The following SERGEF variants were observed in gnomAD, a reference collection of about 807,000 sequenced individuals.
SERGEF encodes secretion regulating guanine nucleotide exchange factor.
Under a neutral mutation model 50.0 loss-of-function variants are expected in SERGEF, and 51 were observed. The ratio of observed to expected loss-of-function variants is 1.02; its 90% CI spans 0.81 to 1.29. The LOEUF (loss-of-function observed/expected upper bound fraction) is 1.29, where lower values mean the gene tolerates loss of function less well. Among genes scored for constraint, SERGEF ranks in the 50% most tolerant of loss-of-function variants. The pLI is 0.00. For missense variants in SERGEF, 521 were observed against 557.0 expected, an observed-to-expected ratio of 0.94 and a Z score of 0.65; for synonymous variants, 205 against 212.4, an observed-to-expected ratio of 0.97 and a Z score of 0.30.
chr11:17,816,888 T>C (rs550229241), intron 10 of SERGEF, among the ~76,000 whole-genome samples: 1 of 152,302 alleles, frequency 6.6e-6, no homozygotes, highest in South Asian at 2.1e-4. Context: ...TGACTTCACC[T>C]TCAGATCAGA....
chr11:17,948,360 CAG>C (rs1331372874), intron 9 of SERGEF, among the ~76,000 whole-genome samples: 2 of 152,160 alleles, frequency 1.3e-5, no homozygotes, highest in African/African-American at 4.8e-5. Flanking sequence ...ATCTGAGACT[CAG>C]AGAAGTAAAA....
intron 10 of SERGEF, among the ~76,000 whole-genome samples, chr11:17,811,855 G>A (rs181851422): frequency 6.1e-4 from 93 of 152,350 alleles, no homozygotes; most frequent in African/African-American, 2.0e-3. Context: ...CAGGCTGGCA[G>A]GGTCCACCAC....
intron 10 of SERGEF, among the ~76,000 whole-genome samples, chr11:17,818,382 T>C (rs1369882155): frequency 1.3e-5 from 2 of 152,182 alleles, no homozygotes. Context: ...GTAGGAAATT[T>C]TACAGAAAAT....
At chr11:17,992,376 T>C (rs762292511) in intron 7 of SERGEF, among the ~76,000 whole-genome samples, 13 of 152,110 alleles carry the variant, frequency 8.5e-5, no homozygotes, top group Admixed American at 1.3e-4. Flanking sequence ...TAGAAAGATA[T>C]AGATGGATAA....
chr11:17,868,112 G>T (rs184547930), intron 10 of SERGEF, among the ~76,000 whole-genome samples: 1 of 152,250 alleles, frequency 6.6e-6, no homozygotes, highest in East Asian at 1.9e-4. Context: ...TCTGCAACTG[G>T]CTTGAATTTC....
At chr11:17,811,414 C>A (rs1849871010) in intron 10 of SERGEF, among the ~76,000 whole-genome samples, 1 of 152,192 alleles carries the variant, frequency 6.6e-6, no homozygotes. Flanking sequence ...ACTTGTGATG[C>A]AGGTTTAGAG....
At chr11:17,933,880 T>TACC (rs1852401135) in intron 9 of SERGEF, among the ~76,000 whole-genome samples, 1 of 152,128 alleles carries the variant, frequency 6.6e-6, no homozygotes, top group African/African-American at 2.4e-5. Flanking sequence ...TTGCTGCAGT[T>TACC]ACCATAGCAA....
rs58279017 is a variant in SERGEF at position 17,888,628 on chromosome 11, TAC to T, written c.1012-10386_1012-10385del. ...AGTTATCAGTATGAACTCACAGTTT[TAC>T]ACACACACACACACACACACACACA... On this transcript the variant is annotated intron_variant, in intron 9 of 10. Coordinates refer to ENST00000265965, the MANE Select transcript of SERGEF (RefSeq NM_012139.4). The surrounding 1 kb of genome is among the most constrained non-coding windows in gnomAD (Gnocchi z 4.1). Among the ~76,000 whole-genome samples the T allele has an allele frequency of 0.054, 7,765 of 143,552 alleles. 216 individuals carry two copies. The highest frequency in any genetic ancestry group is 0.077 in the Middle Eastern group (22 of 284). 94.2% of individuals were successfully genotyped at this position (143,552 alleles called of 152,430 possible).
At chr11:17,963,935 A>C (rs1853066868) in intron 8 of SERGEF, among the ~76,000 whole-genome samples, 1 of 152,096 alleles carries the variant, frequency 6.6e-6, no homozygotes, top group Admixed American at 6.6e-5. Flanking sequence ...AACAACAATA[A>C]CACAAGCCTA....
At chr11:17,801,131 C>T (rs1849661562) in intron 10 of SERGEF, among the ~76,000 whole-genome samples, 1 of 149,084 alleles carries the variant, frequency 6.7e-6, no homozygotes, top group Non-Finnish European at 1.5e-5. Context: ...GGAGGCGGAG[C>T]TTGCAGTGAG....
intron 10 of SERGEF, among the ~76,000 whole-genome samples, chr11:17,851,207 GC>G (rs1253242495): frequency 2.5e-4 from 38 of 152,140 alleles, no homozygotes; most frequent in Non-Finnish European, 3.7e-4. Flanking sequence ...TGAGACGGGT[GC>G]TATTATCTCC....
intron 9 of SERGEF, among the ~76,000 whole-genome samples, chr11:17,885,481 C>A (rs546419431): frequency 1.3e-5 from 2 of 152,020 alleles, no homozygotes; most frequent in South Asian, 2.1e-4. Context: ...ACCACTATGC[C>A]TGGCCAATTT....
intron 9 of SERGEF, among the ~76,000 whole-genome samples, chr11:17,920,431 G>T (rs958175701): frequency 1.3e-5 from 2 of 152,130 alleles, no homozygotes; most frequent in African/African-American, 4.8e-5. Flanking sequence ...ACTCCATAAA[G>T]ACAAGGATTT....
intron 10 of SERGEF, among the ~76,000 whole-genome samples, chr11:17,831,448 G>A (rs1850307534): frequency 2.6e-5 from 4 of 152,150 alleles, no homozygotes. Flanking sequence ...GGGCCTGGTG[G>A]CAAAGCCAAA....
At chr11:17,903,089 A>G (rs543405639) in intron 9 of SERGEF, among the ~76,000 whole-genome samples, 1 of 152,376 alleles carries the variant, frequency 6.6e-6, no homozygotes, top group East Asian at 1.9e-4. Flanking sequence ...TAAACTCTCT[A>G]GGTCTCAGGT....
intron 10 of SERGEF, among the ~76,000 whole-genome samples, chr11:17,856,983 G>A (rs1219049260): frequency 1.3e-5 from 2 of 152,152 alleles, no homozygotes; most frequent in Non-Finnish European, 2.9e-5. Context: ...TCTACAATTT[G>A]GCATAGCACT....
intron 7 of SERGEF, among the ~76,000 whole-genome samples, chr11:17,992,201 A>C (rs1372025953): frequency 6.6e-6 from 1 of 152,230 alleles, no homozygotes; most frequent in Non-Finnish European, 1.5e-5. Context: ...AAAGAGATGA[A>C]GTAGATAAAT....
intron 10 of SERGEF, chr11:17,846,707 A>G: frequency 2.2e-6 from 1 of 456,300 alleles, no homozygotes; most frequent in South Asian, 1.5e-5. Context: ...ATTTCTCTGC[A>G]ACTCCATTTC....
chr11:17,976,012 C>A (rs1421821426), intron 8 of SERGEF, among the ~76,000 whole-genome samples: 3 of 152,192 alleles, frequency 2.0e-5, no homozygotes, highest in Non-Finnish European at 4.4e-5. Flanking sequence ...ATATAAGACA[C>A]CCCTGTGAAG....
Sources: allele counts gnomAD v4.1 joint callset (sites outside exome capture counted in the v4.1 genomes callset), GRCh38; gene constraint gnomAD v4.1.1; non-coding constraint Gnocchi (gnomAD v3.1); transcripts MANE v1.5; gene names NCBI Gene and HGNC (gene_info 2026-07-23, HGNC 2026-07-21).